Variants in KCNN2 observed in about 807,000 individuals in gnomAD.
The protein encoded by KCNN2 is small conductance calcium-activated potassium channel protein 2.
In KCNN2, 24 loss-of-function variants were observed where a neutral mutation model predicts 55.5. The observed-to-expected ratio is 0.43, with a 90% CI of 0.31 to 0.61. The LOEUF is 0.61. Ranked by LOEUF, KCNN2 falls within the 20% of genes least tolerant of loss-of-function variation. The probability of loss-of-function intolerance (pLI) is 0.08; values close to 1 mark genes in which losing one functional copy is unlikely to be tolerated. For missense variants in KCNN2, 754 were observed against 853.6 expected, an observed-to-expected ratio of 0.88 and a Z score of 1.45; for synonymous variants, 431 against 336.1, an observed-to-expected ratio of 1.28 and a Z score of -3.09.
intron 1 of KCNN2, among the ~76,000 whole-genome samples, chr5:114,199,318 G>T (rs1286308631): frequency 1.3e-5 from 2 of 151,928 alleles, no homozygotes; most frequent in African/African-American, 4.8e-5. Context: ...TGTCTTTATG[G>T]ATAAGGTAAG....
intron 5 of KCNN2, among the ~76,000 whole-genome samples, chr5:114,482,992 T>C (rs976359072): frequency 3.3e-5 from 5 of 151,880 alleles, no homozygotes; most frequent in Admixed American, 6.6e-5. Flanking sequence ...TGTGTTTACC[T>C]ATATAACATA....
At chr5:114,075,844 G>A (rs1750675702) in intron 1 of KCNN2, among the ~76,000 whole-genome samples, 1 of 152,210 alleles carries the variant, frequency 6.6e-6, no homozygotes, top group African/African-American at 2.4e-5. Context: ...GCCTGGACCA[G>A]CCTATTGGAT....
chr5:114,248,235 G>C (rs1754785581), intron 2 of KCNN2, among the ~76,000 whole-genome samples: 3 of 152,170 alleles, frequency 2.0e-5, no homozygotes, highest in Non-Finnish European at 4.4e-5. Flanking sequence ...ATTTCAGCTT[G>C]AGAGTTGGTG....
At chr5:114,326,185 A>G (rs1355398434) in intron 2 of KCNN2, among the ~76,000 whole-genome samples, 1 of 152,166 alleles carries the variant, frequency 6.6e-6, no homozygotes, top group Non-Finnish European at 1.5e-5. Flanking sequence ...AGACTGAGGA[A>G]GAGGGTGAGA....
chr5:114,493,526 C>A, intron 7 of KCNN2, 54 bp downstream of exon 7: 1 of 1,159,166 alleles, frequency 8.6e-7, no homozygotes. Context: ...TCAACCACTT[C>A]ACAGTCACTA....
chr5:114,446,213 T>C lies in KCNN2; in HGVS notation c.1638-16836T>C, dbSNP rs539587637. ...GAAGCATCACAACAAAATAACCAAA[T>C]GACAGAAGCGCATAGAATACTGTGT... On this transcript the variant is annotated intron_variant, in intron 3 of 7. Transcript: ENST00000673685. Among the ~76,000 whole-genome samples the C allele has an allele frequency of 2.0e-5, 3 of 152,302 alleles. No individual in the cohort carries two copies. In the East Asian group the frequency reaches 5.8e-4, roughly 29 times the overall value.
At position 114,483,749 on chromosome 5, in the gene KCNN2, A is replaced by G. The variant is rs963880283; in HGVS notation, c.1891-3301A>G. ...TGTGTGTGTGTGTGTGTGTGTAAAGATGTTCCTGTTAACAAAGATCCTTCC... is the reference window on the plus strand; with the variant it reads ...TGTGTGTGTGTGTGTGTGTGTAAAGGTGTTCCTGTTAACAAAGATCCTTCC... On this transcript the variant is annotated intron_variant, in intron 5 of 7. Coordinates refer to ENST00000673685, the MANE Select transcript of KCNN2 (RefSeq NM_021614.4). 4.0e-5 allele frequency among the ~76,000 whole-genome samples: 6 copies of G among 149,768 alleles called. No homozygotes were observed. In the East Asian group the frequency reaches 8.1e-4, roughly 20 times the overall value.
chr5:114,414,913 A>G (rs940957817), intron 3 of KCNN2, among the ~76,000 whole-genome samples: 3 of 152,186 alleles, frequency 2.0e-5, no homozygotes, highest in African/African-American at 7.2e-5. Flanking sequence ...ACTACAATCC[A>G]GTTTTAGAAC....
chr5:114,465,065 T>C (rs1328386113), intron 4 of KCNN2, among the ~76,000 whole-genome samples: 2 of 152,176 alleles, frequency 1.3e-5, no homozygotes, highest in African/African-American at 4.8e-5. Context: ...GTCAAGATGG[T>C]ACCCTCTTTT....
chr5:114,417,539 A>G (rs1286096369), intron 3 of KCNN2, among the ~76,000 whole-genome samples: 2 of 152,142 alleles, frequency 1.3e-5, no homozygotes, highest in Non-Finnish European at 2.9e-5. Flanking sequence ...CACCGACTAT[A>G]TCATCTAGAT....
chr5:114,369,657 C>T (rs969065939), intron 2 of KCNN2, among the ~76,000 whole-genome samples: 1 of 152,162 alleles, frequency 6.6e-6, no homozygotes, highest in Non-Finnish European at 1.5e-5. Flanking sequence ...ATGAGATGCT[C>T]AGTCCCTTTG....
intron 2 of KCNN2, among the ~76,000 whole-genome samples, chr5:114,377,262 A>G (rs1001330786): frequency 1.3e-5 from 2 of 152,156 alleles, no homozygotes; most frequent in Admixed American, 1.3e-4. Context: ...TCCTGGGAAC[A>G]TCTGCTGTGT....
intron 2 of KCNN2, among the ~76,000 whole-genome samples, chr5:114,398,721 G>T (rs163209): frequency 0.22 from 33,963 of 151,926 alleles, 6,281 homozygotes; most frequent in African/African-American, 0.51. Flanking sequence ...ATTTCTTTGG[G>T]CAGTGTTTTG....
At chr5:114,175,465 A>G (rs1191278787) in intron 1 of KCNN2, among the ~76,000 whole-genome samples, 1 of 152,192 alleles carries the variant, frequency 6.6e-6, no homozygotes, top group Non-Finnish European at 1.5e-5. Context: ...AACATTTATA[A>G]TCACATATGG....
chr5:114,489,486 A>G (rs1231563666), intron 6 of KCNN2, among the ~76,000 whole-genome samples: 1 of 152,076 alleles, frequency 6.6e-6, no homozygotes. Flanking sequence ...TCTGTCAGAT[A>G]TTTCTTATTC....
At chr5:114,189,942 A>G (rs983873494) in intron 1 of KCNN2, among the ~76,000 whole-genome samples, 1 of 152,166 alleles carries the variant, frequency 6.6e-6, no homozygotes, top group Non-Finnish European at 1.5e-5. Flanking sequence ...TGAATTAAAG[A>G]TCTCAAAGTG....
chr5:114,257,957 A>G (rs934294660), intron 2 of KCNN2, among the ~76,000 whole-genome samples: 1 of 152,124 alleles, frequency 6.6e-6, no homozygotes, highest in African/African-American at 2.4e-5. Flanking sequence ...TTCTCCATTC[A>G]GTATGATGTT....
intron 1 of KCNN2, among the ~76,000 whole-genome samples, chr5:114,142,354 A>G (rs1198458577): frequency 6.6e-6 from 1 of 152,162 alleles, no homozygotes; most frequent in Non-Finnish European, 1.5e-5. Context: ...ACATATGGCT[A>G]GCCAGTTTTC....
intron 2 of KCNN2, among the ~76,000 whole-genome samples, chr5:114,241,110 T>C (rs1754608855): frequency 6.6e-6 from 1 of 152,002 alleles, no homozygotes; most frequent in South Asian, 2.1e-4. Flanking sequence ...CACTTAGATA[T>C]AAGTACTTGA....
Sources: allele counts gnomAD v4.1 joint callset (sites outside exome capture counted in the v4.1 genomes callset), GRCh38; gene constraint gnomAD v4.1.1; transcripts MANE v1.5; gene names NCBI Gene and HGNC (gene_info 2026-07-23, HGNC 2026-07-21).